SMAD2: variants seen among roughly 807,000 people sequenced by gnomAD.
The protein encoded by SMAD2 is MAD homolog 2.
A neutral mutation model predicts 64.4 loss-of-function variants in SMAD2; 8 were observed. The observed-to-expected ratio is 0.12, with a 90% confidence interval of 0.07 to 0.22. The LOEUF (loss-of-function observed/expected upper bound fraction) is 0.22. SMAD2 is among the 10% of genes least tolerant of loss of function. The pLI, the probability that SMAD2 is intolerant of heterozygous loss-of-function variation, is 1.00. For synonymous variants in SMAD2, 203 were observed against 195.8 expected (o/e 1.04, Z -0.31); for missense variants, 289 against 561.2 (o/e 0.51, Z 4.90).
At chr18:47,852,728 C>T (rs1436492181) in intron 6 of SMAD2, among the ~76,000 whole-genome samples, 7 of 151,958 alleles carry the variant, frequency 4.6e-5, no homozygotes, top group Non-Finnish European at 8.8e-5. Flanking sequence ...GTAAATTACA[C>T]TTTCTTAGAA....
chr18:47,905,945 C>G (rs2033884182), intron 1 of SMAD2, among the ~76,000 whole-genome samples: 1 of 151,932 alleles, frequency 6.6e-6, no homozygotes. Context: ...GACCCCATCT[C>G]TACTAAAAAA....
rs1489463225 is a variant in SMAD2, at chr18:47,870,525, C to T, written c.276G>A (p.Thr92=). ...SEIWGLSTPN[T]IDQWDTTGLY... ...GGCCTGTTGTATCCCACTGATCTAT[C>T]GTATTTGGTGTACTCAGTCCCCAAA... The change falls in exon 3 of 11, where the codon ACG becomes ACA. Residue 92 remains threonine, a synonymous_variant. Transcript: ENST00000262160. The T allele has an allele frequency of 1.9e-6, 3 of 1,613,648 alleles. No homozygotes were observed. The highest frequency in any genetic ancestry group is 1.7e-6 in the Non-Finnish European group (2 of 1,179,684).
At chr18:47,851,183 G>A in intron 7 of SMAD2, 91 bp downstream of exon 7, 1 of 912,646 alleles carries the variant, frequency 1.1e-6, no homozygotes, top group Middle Eastern at 2.3e-4. Flanking sequence ...CCCTTTCTCG[G>A]ATATATAAAA....
chr18:47,811,662 C>G lies in SMAD2; in HGVS notation c.*30165G>C, dbSNP rs1912209723. On this transcript the variant is annotated 3_prime_UTR_variant, in exon 11 of 11. Transcript: ENST00000262160. Reference sequence around the variant, plus strand: ...TCCAAAGTTCATCAGAACCTTTGATCACAAAACAGACAATGAGAGCAGCTG... The same window carrying G: ...TCCAAAGTTCATCAGAACCTTTGATGACAAAACAGACAATGAGAGCAGCTG... 6.6e-6 allele frequency: 1 copy of G among 152,080 alleles called. No homozygotes were observed. Among genetic ancestry groups the G allele is most frequent in the Admixed American group, 6.6e-5 (1 of 15,252 alleles). 9.4% of individuals were successfully genotyped at this position (152,080 alleles called of 1,614,324 possible). A position where few individuals can be genotyped will look rare whatever the true frequency, so the allele number is the denominator to read the frequency against.
At chr18:47,851,129 A>C in intron 7 of SMAD2, 145 bp downstream of exon 7, 1 of 578,248 alleles carries the variant, frequency 1.7e-6, no homozygotes, top group East Asian at 3.0e-5. Flanking sequence ...TTTAAAAAGC[A>C]CTACTTTAAC....
intron 3 of SMAD2, among the ~76,000 whole-genome samples, chr18:47,870,062 C>T (rs2031839346): frequency 6.7e-6 from 1 of 150,058 alleles, no homozygotes; most frequent in Admixed American, 6.7e-5. Context: ...AGTTAACCTA[C>T]TGTTAATTGT....
intron 5 of SMAD2, 126 bp downstream of exon 5, chr18:47,868,197 C>T (rs966264654): frequency 2.3e-5 from 19 of 820,616 alleles, no homozygotes; most frequent in African/African-American, 3.4e-5. Context: ...CCAACGAATC[C>T]AATTTTTCTA....
intron 8 of SMAD2, among the ~76,000 whole-genome samples, chr18:47,847,143 AT>A (rs1914577186): frequency 6.6e-6 from 1 of 152,260 alleles, no homozygotes; most frequent in African/African-American, 2.4e-5. Flanking sequence ...AACCCATTAA[AT>A]TTTTTTGCAG....
chr18:47,838,658 G>A lies in SMAD2; in HGVS notation c.*3169C>T, dbSNP rs1913660063. The A allele has an allele frequency of 4.3e-6, 1 of 232,722 alleles. No homozygotes were observed. Among genetic ancestry groups the A allele is most frequent in the Non-Finnish European group, 8.5e-6 (1 of 117,738 alleles). The allele number at this position is 232,722 out of a possible 1,614,324, so 14.4% of individuals were successfully genotyped here. ...ATATTTTTCTAATCGTTGACCAGTG[G>A]TTATAAAGACTTTCTGAGCTTCTTT... On this transcript the variant is annotated 3_prime_UTR_variant, in exon 11 of 11. Coordinates refer to ENST00000262160, the MANE Select transcript of SMAD2 (RefSeq NM_005901.6).
intron 1 of SMAD2, among the ~76,000 whole-genome samples, chr18:47,903,870 A>C (rs1268558246): frequency 2.0e-5 from 1 of 50,928 alleles, no homozygotes; most frequent in African/African-American, 6.7e-5. Flanking sequence ...GAGGGAAAAA[A>C]CAGTGTGGGG....
Position 47,834,174 on chromosome 18 carries a change from T to C in SMAD2, c.*7653A>G, listed in dbSNP as rs948794712. 9.4e-6 allele frequency: 2 copies of C among 212,954 alleles called. No homozygotes were observed. The highest frequency in any genetic ancestry group is 2.3e-5 in the African/African-American group (1 of 44,138). 13.2% of individuals were successfully genotyped at this position (212,954 alleles called of 1,614,324 possible). A position where few individuals can be genotyped will look rare whatever the true frequency, so the allele number is the denominator to read the frequency against. Reference sequence around the variant, plus strand: ...GTGCAGCTGAGTTTAGAAGCAACTATGACAACATAGGGAAGTAAGGATAAA... The same window carrying C: ...GTGCAGCTGAGTTTAGAAGCAACTACGACAACATAGGGAAGTAAGGATAAA... On this transcript the variant is annotated 3_prime_UTR_variant, in exon 11 of 11. Coordinates refer to ENST00000262160, the MANE Select transcript of SMAD2 (RefSeq NM_005901.6).
In SMAD2 at chr18:47,835,221, C is replaced by A. The variant is rs879621642; in HGVS notation, c.*6606G>T. ...AACTGAGGTGTGAGGTTACACTGGT[C>A]TAAGAAAGTACCAATTTGGGTTCTA... On this transcript the variant is annotated 3_prime_UTR_variant, in exon 11 of 11. Transcript: ENST00000262160. The A allele has an allele frequency of 4.6e-6, 1 of 219,664 alleles. No homozygotes were observed. The highest frequency in any genetic ancestry group is 9.1e-6 in the Non-Finnish European group (1 of 109,522). The allele number at this position is 219,664 out of a possible 1,614,324, so 13.6% of individuals were successfully genotyped here. A position where few individuals can be genotyped will look rare whatever the true frequency, so the allele number is the denominator to read the frequency against.
intron 1 of SMAD2, among the ~76,000 whole-genome samples, chr18:47,903,876 TG>T (rs61222491): frequency 0.012 from 592 of 49,008 alleles, 30 homozygotes; most frequent in Middle Eastern, 0.062. Context: ...AAAAACAGTG[TG>T]GGGGGGGGGG....
chr18:47,877,950 A>G (rs2032363729), intron 2 of SMAD2, among the ~76,000 whole-genome samples: 1 of 152,214 alleles, frequency 6.6e-6, no homozygotes, highest in South Asian at 2.1e-4. Context: ...TTAAATCTGG[A>G]GACAGTTTAA....
chr18:47,902,921 T>C (rs989236727), intron 1 of SMAD2, among the ~76,000 whole-genome samples: 31 of 152,226 alleles, frequency 2.0e-4, no homozygotes, highest in Non-Finnish European at 2.5e-4. Flanking sequence ...CGACATGACA[T>C]ATTAAATTGC....
intron 2 of SMAD2, among the ~76,000 whole-genome samples, chr18:47,891,652 G>A (rs192457293): frequency 9.9e-4 from 150 of 151,994 alleles, no homozygotes; most frequent in Non-Finnish European, 1.7e-3. Flanking sequence ...AACCTCCCAA[G>A]CAGCTGGGAC....
At chr18:47,866,700 T>C (rs915163470) in intron 5 of SMAD2, 7 of 152,196 alleles carry the variant, frequency 4.6e-5, no homozygotes, top group Non-Finnish European at 7.3e-5. Flanking sequence ...TATTAGCATT[T>C]TTGAGAAAAT....
At chr18:47,842,969 T>C (rs182656014) in intron 10 of SMAD2, among the ~76,000 whole-genome samples, 2 of 152,302 alleles carry the variant, frequency 1.3e-5, no homozygotes, top group African/African-American at 4.8e-5. Flanking sequence ...CCTTCAAATA[T>C]GAGAAAAGCC....
intron 6 of SMAD2, among the ~76,000 whole-genome samples, chr18:47,856,673 G>T (rs16958543): frequency 0.017 from 2,598 of 152,032 alleles, 65 homozygotes; most frequent in African/African-American, 0.059. Context: ...ACAAGAACAG[G>T]AACTCTAGAA....
Sources: allele counts gnomAD v4.1 joint callset (sites outside exome capture counted in the v4.1 genomes callset), GRCh38; gene constraint gnomAD v4.1.1; transcripts MANE v1.5; gene names NCBI Gene and HGNC (gene_info 2026-07-23, HGNC 2026-07-21).